Variants in MAOA observed in about 807,000 individuals in gnomAD.
MAOA encodes the protein monoamine oxidase A.
MAOA carries 6 observed loss-of-function variants against 42.0 expected under a neutral mutation model. The observed-to-expected ratio is 0.14, with a 90% confidence interval of 0.08 to 0.28. MAOA has a LOEUF of 0.28. Ranked by LOEUF, MAOA falls within the 10% of genes least tolerant of loss-of-function variation. MAOA has a pLI of 1.00. For synonymous variants in MAOA, 140 were observed against 154.0 expected (o/e 0.91, Z 0.67); for missense variants, 262 against 422.3 (o/e 0.62, Z 3.33).
At chrX:43,744,329 A>C (rs779539432) in intron 14 of MAOA, 38 bp from the exon 15 acceptor site, 5 of 1,204,720 alleles carry the variant, frequency 4.2e-6, no homozygotes, top group South Asian at 1.8e-5. Context: ...CCTTGTCAGC[A>C]TGAGTTTTTT....
chrX:43,708,085 A>G (rs2033671179), intron 3 of MAOA, among the ~76,000 whole-genome samples: 1 of 111,558 alleles, frequency 9.0e-6, no homozygotes, highest in African/African-American at 3.3e-5. Flanking sequence ...TCTCAAAGTC[A>G]CTTAAGTGTT....
chrX:43,730,731 A>G (rs1216695353), intron 6 of MAOA, among the ~76,000 whole-genome samples: 2 of 110,453 alleles, frequency 1.8e-5, no homozygotes, highest in Admixed American at 9.6e-5. Context: ...GGTGGTGACT[A>G]GTAGGACTAG....
intron 1 of MAOA, among the ~76,000 whole-genome samples, chrX:43,669,384 C>T (rs1458049913): frequency 9.0e-6 from 1 of 110,921 alleles, no homozygotes. Flanking sequence ...TACCACTGCA[C>T]TCCAGCCTGG....
Position 43,693,333 on chromosome X carries a change from G to A in MAOA, c.211G>A (p.Gly71Arg). Residue 71 changes from glycine to arginine, a missense_variant, in exon 3 of 15, where the codon GGA (glycine) becomes AGA (arginine). Around this residue, in one of 3 missense-constraint regions of MAOA, gnomAD observed 141 missense variants for 195.6 expected, o/e 0.72. Transcript: ENST00000338702. ...CGTAGATGTTGGTGGAGCTTATGTGGGACCAACCCAAAACAGAATCTTACG... is the reference window on the plus strand; with the variant it reads ...CGTAGATGTTGGTGGAGCTTATGTGAGACCAACCCAAAACAGAATCTTACG... ...DYVDVGGAYV[G>R]PTQNRILRLS... 8.3e-7 allele frequency: 1 copy of A among 1,209,624 alleles called. No individual in the cohort carries two copies. Among genetic ancestry groups the A allele is most frequent in the East Asian group, 3.0e-5 (1 of 33,812 alleles).
At chrX:43,696,390 T>C (rs1451277246) in intron 3 of MAOA, among the ~76,000 whole-genome samples, 1 of 112,301 alleles carries the variant, frequency 8.9e-6, no homozygotes, top group Non-Finnish European at 1.9e-5. Flanking sequence ...TTGGACTTGG[T>C]AGCCCGAGGC....
intron 3 of MAOA, among the ~76,000 whole-genome samples, chrX:43,710,844 CAA>C: frequency 8.9e-6 from 1 of 111,843 alleles, no homozygotes; most frequent in Non-Finnish European, 1.9e-5. Flanking sequence ...CTCAGGCTAA[CAA>C]GAGGGAATGT....
intron 5 of MAOA, among the ~76,000 whole-genome samples, chrX:43,721,764 T>C (rs2033791650): frequency 9.1e-6 from 1 of 109,956 alleles, no homozygotes; most frequent in Non-Finnish European, 1.9e-5. Context: ...TAGGTATCCA[T>C]GTGCCATGTT....
chrX:43,663,451 G>T (rs1233406960), intron 1 of MAOA, among the ~76,000 whole-genome samples: 4 of 111,813 alleles, frequency 3.6e-5, no homozygotes, highest in African/African-American at 1.3e-4. Flanking sequence ...ATGTCCAAGG[G>T]TTATAGAATG....
chrX:43,728,765 C>T (rs191679523), intron 6 of MAOA, among the ~76,000 whole-genome samples: 2 of 112,611 alleles, frequency 1.8e-5, no homozygotes, highest in East Asian at 5.6e-4. Context: ...TTCTAATTCA[C>T]GCAAGTGATT....
At chrX:43,721,876 T>TC (rs1032886987) in intron 5 of MAOA, among the ~76,000 whole-genome samples, 1 of 110,303 alleles carries the variant, frequency 9.1e-6, no homozygotes, top group African/African-American at 3.3e-5. Context: ...TGTGTGATGT[T>TC]CCCCTCCCTG....
At chrX:43,743,756 C>T in intron 12 of MAOA, 38 bp from the exon 13 acceptor site, 1 of 1,160,668 alleles carries the variant, frequency 8.6e-7, no homozygotes, top group Non-Finnish European at 1.2e-6. Context: ...TGCCCACCTT[C>T]CCAAGTAACT....
chrX:43,697,244 T>C (rs1412423950), intron 3 of MAOA, among the ~76,000 whole-genome samples: 3 of 112,329 alleles, frequency 2.7e-5, no homozygotes, highest in Non-Finnish European at 5.6e-5. Context: ...GACTGTGGAC[T>C]CCAGGAAGCT....
rs1601951566 is a variant in MAOA at position 43,744,248 on chromosome X, G to A, written c.1437+77G>A. 1.1e-5 allele frequency: 12 copies of A among 1,125,413 alleles called. No homozygotes were observed. The East Asian group carries it at 3.6e-4, about 34-fold the overall frequency. The allele number at this position is 1,125,413 out of a possible 1,213,427, so 92.7% of individuals were successfully genotyped here. On this transcript the variant is annotated intron_variant, in intron 14 of 14. Coordinates refer to ENST00000338702, the MANE Select transcript of MAOA (RefSeq NM_000240.4). ...TAAAACTCACATCTCCCTTCTTCTA[G>A]CCTCCGATTTAATTATAGATGCAAC...
intron 1 of MAOA, among the ~76,000 whole-genome samples, chrX:43,674,132 G>T (rs1426768350): frequency 1.8e-5 from 2 of 111,621 alleles, no homozygotes; most frequent in East Asian, 5.6e-4. Context: ...GGGTGCTCCT[G>T]TATTGGGTGC....
chrX:43,658,389 T>C (rs2033204732), intron 1 of MAOA, among the ~76,000 whole-genome samples: 1 of 111,912 alleles, frequency 8.9e-6, no homozygotes, highest in Non-Finnish European at 1.9e-5. Flanking sequence ...AATTACCATG[T>C]AGCTGATAAA....
chrX:43,728,320 G>A lies in MAOA; in HGVS notation c.645+6G>A. On this transcript the variant is annotated splice_donor_region_variant and intron_variant, in intron 6 of 14. Coordinates refer to ENST00000338702, the MANE Select transcript of MAOA (RefSeq NM_000240.4). The stretch of plus-strand genomic sequence containing the variant: ...CTGTCACCAATGGTGGCCAGGTATG[G>A]TGTGTATGTGTCTGTTCTGAAACAA... 1 of 1,210,809 alleles carries A rather than the reference G, an allele frequency of 8.3e-7. No homozygotes were observed. The highest frequency in any genetic ancestry group is 1.8e-5 in the South Asian group (1 of 56,973).
At chrX:43,692,301 G>A (rs2033543088) in intron 2 of MAOA, among the ~76,000 whole-genome samples, 1 of 110,547 alleles carries the variant, frequency 9.0e-6, no homozygotes, top group Non-Finnish European at 1.9e-5. Flanking sequence ...GGGTTGGGCT[G>A]CATCTAAGGA....
At chrX:43,700,955 T>C (rs1195461268) in intron 3 of MAOA, among the ~76,000 whole-genome samples, 4 of 111,809 alleles carry the variant, frequency 3.6e-5, no homozygotes, top group Non-Finnish European at 7.5e-5. Context: ...TACAGGCCTG[T>C]GCTCATGATA....
intron 3 of MAOA, among the ~76,000 whole-genome samples, chrX:43,701,795 C>T (rs1189999008): frequency 8.9e-6 from 1 of 112,075 alleles, no homozygotes; most frequent in Non-Finnish European, 1.9e-5. Flanking sequence ...TGAGCAGCTT[C>T]CTCAAGAGAA....
Sources: gnomAD v4.1 joint callset for allele counts (sites outside exome capture counted in the v4.1 genomes callset) on GRCh38, gnomAD v4.1.1 for gene constraint, gnomAD v4.1.1 regional missense constraint, MANE v1.5 for transcripts, NCBI Gene and HGNC (gene_info 2026-07-23, HGNC 2026-07-21) for gene names.